TEP1: variants seen among roughly 807,000 people sequenced by gnomAD.
The protein encoded by TEP1 is telomerase associated protein 1.
Under a neutral mutation model 306.3 loss-of-function variants are expected in TEP1, and 241 were observed. The ratio of observed to expected loss-of-function variants is 0.79; its 90% CI spans 0.71 to 0.88. TEP1 has a LOEUF of 0.88. TEP1 is among the 40% of genes least tolerant of loss of function. TEP1 has a pLI of 0.00. For missense variants in TEP1, 3,051 were observed against 3,276.1 expected (o/e 0.93, Z 1.68); for synonymous variants, 1,289 against 1,305.5 (o/e 0.99, Z 0.27).
In TEP1 at chr14:20,371,669, A is replaced by C. The variant is rs187493757; in HGVS notation, c.7077-37T>G. 5.2e-4 allele frequency: 789 copies of C among 1,529,050 alleles called. 7 individuals are homozygous for C. In the African/African-American group the frequency reaches 0.01, roughly 19 times the overall value. The allele number at this position is 1,529,050 out of a possible 1,614,324, so 94.7% of individuals were successfully genotyped here. On this transcript the variant is annotated intron_variant, in intron 49 of 54. Transcript: ENST00000262715. Reference sequence around the variant, plus strand: ...AAGTACATGGACAGAGAAAGATCCTATTTTAGTTAACCTTTCTCAGGCTCC... The same window carrying C: ...AAGTACATGGACAGAGAAAGATCCTCTTTTAGTTAACCTTTCTCAGGCTCC...
intron 10 of TEP1, 48 bp from the exon 11 acceptor site, chr14:20,395,997 TG>T (rs1878173877): frequency 1.3e-6 from 2 of 1,498,096 alleles, no homozygotes; most frequent in Non-Finnish European, 9.3e-7. Context: ...GCCGGGAGTA[TG>T]GGGGGCTTCA....
intron 51 of TEP1, among the ~76,000 whole-genome samples, chr14:20,370,312 C>T (rs1884760996): frequency 6.6e-6 from 1 of 152,228 alleles, no homozygotes; most frequent in Non-Finnish European, 1.5e-5. Flanking sequence ...ATTTCCATCA[C>T]CTCAGAAAAT....
In TEP1 at chr14:20,403,371, AC is replaced by A. The variant is rs761419752; in HGVS notation, c.1266+5del. 3 of 1,613,970 alleles carry A rather than the reference AC, an allele frequency of 1.9e-6. No individual in the cohort carries two copies. In the East Asian group the frequency reaches 6.7e-5, roughly 36 times the overall value. On this transcript the variant is annotated splice_donor_5th_base_variant and intron_variant, in intron 7 of 54. Coordinates refer to ENST00000262715, the MANE Select transcript of TEP1 (RefSeq NM_007110.5). Reference sequence around the variant, plus strand: ...CACATATACAACCCCAGAAGAAGGGACTCACCTTTCTCTGCTCTTCTCTGAG... The same window carrying A: ...CACATATACAACCCCAGAAGAAGGGATCACCTTTCTCTGCTCTTCTCTGAG...
chr14:20,377,970 C>G, intron 39 of TEP1, 54 bp downstream of exon 39: 1 of 1,590,242 alleles, frequency 6.3e-7, no homozygotes. Context: ...CCAAGATATT[C>G]TTTGCCTTTG....
intron 9 of TEP1, among the ~76,000 whole-genome samples, chr14:20,396,977 A>T (rs961666133): frequency 3.9e-5 from 6 of 152,192 alleles, no homozygotes; most frequent in African/African-American, 1.4e-4. Context: ...TGGAAAGTCC[A>T]AGATAGAGGA....
Position 20,384,057 on chromosome 14 carries a change from T to C in TEP1, c.3515A>G (p.Gln1172Arg). 6.2e-7 allele frequency: 1 copy of C among 1,610,632 alleles called. No homozygotes were observed. The highest frequency in any genetic ancestry group is 8.5e-7 in the Non-Finnish European group (1 of 1,178,440). The change falls in exon 24 of 55, where the codon CAG becomes CGG. Residue 1172 changes from glutamine to arginine, a missense_variant. By Grantham distance (43) the Gln-to-Arg change is conservative. Coordinates refer to ENST00000262715, the MANE Select transcript of TEP1 (RefSeq NM_007110.5). The part of the protein sequence containing the change: ...RLSLVTGQSG[Q>R]GKTAFLASLV... Reference sequence around the variant, plus strand: ...CTGTACCAGGAAGGCTGTCTTGCCCTGTCCTGACTGCCCCGTCACCAGGCT... The same window carrying C: ...CTGTACCAGGAAGGCTGTCTTGCCCCGTCCTGACTGCCCCGTCACCAGGCT...
chr14:20,369,284 A>C, intron 53 of TEP1, 60 bp downstream of exon 53: 1 of 1,559,574 alleles, frequency 6.4e-7, no homozygotes, highest in Middle Eastern at 1.7e-4. Context: ...CTGGGATTAT[A>C]GGTGTGAGCC....
At position 20,373,352 on chromosome 14, in the gene TEP1, A is replaced by C. The variant is rs1387269602; in HGVS notation, c.6732T>G (p.Ala2244=). The change falls in exon 47 of 55, where the codon GCT becomes GCG. Residue 2244 remains alanine (A), a synonymous_variant. Transcript: ENST00000262715. ...LLGHSGPVRA[A]AVSETSGLML... ...TGAGGCCTGAGGTTTCTGAAACAGCAGCAGCACGGACTGGGCCGCTGTGTC... is the reference window on the plus strand; with the variant it reads ...TGAGGCCTGAGGTTTCTGAAACAGCCGCAGCACGGACTGGGCCGCTGTGTC... 7 of 1,614,220 alleles carry C rather than the reference A, an allele frequency of 4.3e-6. No individual in the cohort carries two copies. The highest frequency in any genetic ancestry group is 5.9e-6 in the Non-Finnish European group (7 of 1,180,046).
In TEP1 at chr14:20,396,698, G is replaced by A. The variant is rs540342712; in HGVS notation, c.1582C>T (p.Arg528Trp). 37 of 1,611,492 alleles carry A rather than the reference G, an allele frequency of 2.3e-5. No homozygotes were observed. The highest frequency in any genetic ancestry group is 1.5e-4 in the African/African-American group (11 of 75,002). Reference protein sequence around the residue: ...NGKLPFMAMLRNLCNLLRVGI... With the variant: ...NGKLPFMAMLWNLCNLLRVGI... ...ACCCGCAGCAGGTTGCACAGGTTCC[G>A]AAGCATGGCCATGAAGGGAAGCTTC... is the stretch of plus-strand genomic sequence containing the variant. Residue 528 changes from arginine (R) to tryptophan (W), a missense_variant, in exon 10 of 55, where the codon CGG becomes TGG. This residue lies in a region of TEP1 where 1,507 missense variants were observed against 1,550.5 expected (regional missense o/e 0.97). Coordinates refer to ENST00000262715, the MANE Select transcript of TEP1 (RefSeq NM_007110.5).
At position 20,376,217 on chromosome 14, in the gene TEP1, G is replaced by A. The variant is rs1268303404; in HGVS notation, c.6136C>T (p.His2046Tyr). 2 of 1,614,084 alleles carry A rather than the reference G, an allele frequency of 1.2e-6. No individual in the cohort carries two copies. Among genetic ancestry groups the A allele is most frequent in the Non-Finnish European group, 1.7e-6 (2 of 1,180,044 alleles). The change falls in exon 42 of 55, where the codon CAC becomes TAC. Residue 2046 changes from histidine to tyrosine, a missense_variant. Physicochemically the swap from His to Tyr is moderately conservative, Grantham distance 83. Transcript: ENST00000262715. Reference sequence around the variant, plus strand: ...CCACAGGGAAAGTCTTCTGCCTTGTGTGGCCGCGTCAGCAGCTGCCTTGGC... The same window carrying A: ...CCACAGGGAAAGTCTTCTGCCTTGTATGGCCGCGTCAGCAGCTGCCTTGGC... ...LWPRQLLTRP[H>Y]KAEDFPCGTE...
At position 20,405,452 on chromosome 14, in the gene TEP1, T is replaced by C. The variant is rs1387608600; in HGVS notation, c.869A>G (p.Lys290Arg). Residue 290 changes from lysine (K) to arginine (R), a missense_variant and splice_region_variant, in exon 4 of 55, where the codon AAG becomes AGG. Physicochemically the swap from Lys to Arg is conservative, Grantham distance 26. Transcript: ENST00000262715. ...ATCCCCTCCTTCACACCTCAATACC[T>C]TGAGGATAAACTCAGGCTCCAGGAG... ...LALLEPEFIL[K>R]ASLYARQQLN... 1.4e-5 allele frequency: 22 copies of C among 1,613,848 alleles called. No homozygotes were observed. The highest frequency in any genetic ancestry group is 1.9e-5 in the Non-Finnish European group (22 of 1,179,946).
chr14:20,399,781 T>C (rs1878518105), intron 9 of TEP1, among the ~76,000 whole-genome samples: 1 of 151,798 alleles, frequency 6.6e-6, no homozygotes, highest in Non-Finnish European at 1.5e-5. Flanking sequence ...ATAAATGACA[T>C]TAAAAGAATA....
chr14:20,368,322 T>G lies in TEP1; in HGVS notation c.*115A>C. ...GCCTACACTTGAGATTTTTTGACACTTCATTTTTATAATTATCAAGAAATT... is the reference window on the plus strand; with the variant it reads ...GCCTACACTTGAGATTTTTTGACACGTCATTTTTATAATTATCAAGAAATT... On this transcript the variant is annotated 3_prime_UTR_variant, in exon 55 of 55. Coordinates refer to ENST00000262715, the MANE Select transcript of TEP1 (RefSeq NM_007110.5). 1 of 1,310,108 alleles carries G rather than the reference T, an allele frequency of 7.6e-7. No individual in the cohort carries two copies. Among genetic ancestry groups the G allele is most frequent in the Non-Finnish European group, 1.0e-6 (1 of 982,522 alleles). The allele number at this position is 1,310,108 out of a possible 1,614,324, so 81.2% of individuals were successfully genotyped here.
At chr14:20,371,763 T>C (rs2138998861) in intron 49 of TEP1, 131 bp from the exon 50 acceptor site, 1 of 1,148,328 alleles carries the variant, frequency 8.7e-7, no homozygotes, top group East Asian at 2.7e-5. Context: ...GAAAATCCTG[T>C]TCCACTTTCT....
chr14:20,399,592 T>C (rs1403110676), intron 9 of TEP1, among the ~76,000 whole-genome samples: 2 of 136,864 alleles, frequency 1.5e-5, no homozygotes, highest in Non-Finnish European at 3.0e-5. Context: ...ATCCCAGCAA[T>C]TGGAGACCAG....
rs561326345 is a variant in TEP1 at position 20,369,148 on chromosome 14, C to T, written c.7656+196G>A. 2.0e-3 allele frequency among the ~76,000 whole-genome samples: 309 copies of T among 152,282 alleles called. 2 individuals carry two copies. The highest frequency in any genetic ancestry group is 7.2e-3 in the African/African-American group (300 of 41,550). On this transcript the variant is annotated intron_variant, in intron 53 of 54. Transcript: ENST00000262715. Reference sequence around the variant, plus strand: ...TCAGACTCCCGAGTAGCTGGGACTACAGGCACCCGCCACCACGCCCAGCTA... The same window carrying T: ...TCAGACTCCCGAGTAGCTGGGACTATAGGCACCCGCCACCACGCCCAGCTA...
intron 1 of TEP1, among the ~76,000 whole-genome samples, chr14:20,410,042 A>T (rs143659617): frequency 0.058 from 7,831 of 135,108 alleles, 559 homozygotes; most frequent in Admixed American, 0.11. Context: ...AAAAAAAAAA[A>T]AAAAAAAAAA....
rs1884450214 is a variant in TEP1, at chr14:20,365,877, T to C, written c.*2560A>G. ...GATATATGTGTAAAAATTTGGTATA[T>C]AAAAAAGATGCTTTTCTAGATGGGT... On this transcript the variant is annotated 3_prime_UTR_variant, in exon 55 of 55. Coordinates refer to ENST00000262715, the MANE Select transcript of TEP1 (RefSeq NM_007110.5). 1.3e-5 allele frequency: 2 copies of C among 152,220 alleles called. No individual in the cohort carries two copies. Among genetic ancestry groups the C allele is most frequent in the South Asian group, 4.1e-4 (2 of 4,836 alleles). The allele number at this position is 152,220 out of a possible 1,614,324, so 9.4% of individuals were successfully genotyped here.
At chr14:20,409,816 C>T (rs533851593) in intron 1 of TEP1, among the ~76,000 whole-genome samples, 14 of 151,828 alleles carry the variant, frequency 9.2e-5, no homozygotes, top group Admixed American at 2.6e-4. Context: ...GTCAGGAGAT[C>T]GAGACCATCC....
Sources: gnomAD v4.1 joint callset for allele counts (sites outside exome capture counted in the v4.1 genomes callset) on GRCh38, gnomAD v4.1.1 for gene constraint, gnomAD v4.1.1 regional missense constraint, MANE v1.5 for transcripts, NCBI Gene and HGNC (gene_info 2026-07-23, HGNC 2026-07-21) for gene names.